Variants in CCSER2 observed in about 807,000 individuals in gnomAD.
CCSER2 encodes the protein serine-rich coiled-coil domain-containing protein 2.
In CCSER2, 46 loss-of-function variants were observed where a neutral mutation model predicts 92.3. The ratio of observed to expected loss-of-function variants is 0.50; its 90% CI spans 0.39 to 0.64. The LOEUF is 0.64. CCSER2 is among the 30% of genes least tolerant of loss of function. CCSER2 has a pLI of 0.00. For missense variants in CCSER2, 1,244 were observed against 1,238.9 expected, an observed-to-expected ratio of 1.00 and a Z score of -0.06; for synonymous variants, 433 against 431.4, an observed-to-expected ratio of 1.00 and a Z score of -0.04.
At chr10:84,461,667 T>C (rs1358298588) in intron 6 of CCSER2, among the ~76,000 whole-genome samples, 1 of 152,018 alleles carries the variant, frequency 6.6e-6, no homozygotes, top group Non-Finnish European at 1.5e-5. Context: ...TTCTGTTTTT[T>C]TTTTTTCCCC....
chr10:84,385,714 C>T (rs1252973831), intron 3 of CCSER2, among the ~76,000 whole-genome samples: 1 of 151,954 alleles, frequency 6.6e-6, no homozygotes, highest in African/African-American at 2.4e-5. Flanking sequence ...TGAGTAAGAC[C>T]TCAAAAGTAA....
intron 3 of CCSER2, among the ~76,000 whole-genome samples, chr10:84,401,816 T>C (rs1842133400): frequency 6.6e-6 from 1 of 152,230 alleles, no homozygotes; most frequent in South Asian, 2.1e-4. Flanking sequence ...CCATTTCAAA[T>C]GCAGGTTTAA....
intron 3 of CCSER2, among the ~76,000 whole-genome samples, chr10:84,374,255 C>T (rs1303183925): frequency 6.6e-6 from 1 of 152,174 alleles, no homozygotes; most frequent in Non-Finnish European, 1.5e-5. Flanking sequence ...GATGGCAGTA[C>T]TGCTGCTGTT....
At chr10:84,479,656 T>C (rs1297494536) in intron 9 of CCSER2, among the ~76,000 whole-genome samples, 1 of 152,194 alleles carries the variant, frequency 6.6e-6, no homozygotes, top group African/African-American at 2.4e-5. Context: ...TAAAAATACA[T>C]GTGTAAATAT....
At position 84,517,907 on chromosome 10, in the gene CCSER2, G is replaced by A. The variant is rs373597769; in HGVS notation, c.*3640G>A. ...ACTGGGGATGTACTTTGAAATCACC[G>A]AACAGGCTTGCAATTAAGATCAATA... is the stretch of plus-strand genomic sequence containing the variant. On this transcript the variant is annotated 3_prime_UTR_variant, in exon 10 of 10. Coordinates refer to ENST00000372088, the MANE Select transcript of CCSER2 (RefSeq NM_001284240.2). 2.6e-5 allele frequency: 4 copies of A among 152,408 alleles called. No homozygotes were observed. The highest frequency in any genetic ancestry group is 1.3e-4 in the Admixed American group (2 of 15,270). The allele number at this position is 152,408 out of a possible 1,614,324, so 9.4% of individuals were successfully genotyped here. A position where few individuals can be genotyped will look rare whatever the true frequency, so the allele number is the denominator to read the frequency against.
intron 5 of CCSER2, among the ~76,000 whole-genome samples, chr10:84,429,686 C>T (rs538248048): frequency 5.0e-5 from 7 of 138,684 alleles, no homozygotes; most frequent in East Asian, 2.3e-4. Context: ...AATTATAATG[C>T]GCCTCTCTTT....
rs1409557800 is a variant in CCSER2 at position 84,372,354 on chromosome 10, G to A, written c.1302G>A (p.Met434Ile). The change falls in exon 2 of 10, where the codon ATG becomes ATA. Residue 434 changes from methionine (M) to isoleucine (I), a missense_variant. Met to Ile is a conservative substitution (Grantham distance 10, BLOSUM62 1). Transcript: ENST00000372088. ...GAACTAGAATAACTCCAGAGGAAAT[G>A]TCTCTCAAAGAAGAGAAACATGAAA... ...SNRTRITPEEMSLKEEKHENG... is the reference protein window; with the variant it reads ...SNRTRITPEEISLKEEKHENG... 6.2e-7 allele frequency: 1 copy of A among 1,612,108 alleles called. No homozygotes were observed. The highest frequency in any genetic ancestry group is 8.5e-7 in the Non-Finnish European group (1 of 1,178,934).
In CCSER2 at chr10:84,491,352, G is replaced by A. The variant is rs1430503118; in HGVS notation, c.2325+13688G>A. Among the ~76,000 whole-genome samples, 12 of 152,324 alleles carry A rather than the reference G, an allele frequency of 7.9e-5. No individual in the cohort carries two copies. In the South Asian group the frequency reaches 2.5e-3, roughly 32 times the overall value. On this transcript the variant is annotated intron_variant, in intron 9 of 9. Transcript: ENST00000372088. ...TGCCCCCAGAGGTGGAGTCTACAGA[G>A]GCAGGCAGGCCTCCTTGAGCTGAGG...
intron 9 of CCSER2, among the ~76,000 whole-genome samples, chr10:84,498,598 A>G (rs1281090861): frequency 6.6e-6 from 1 of 152,190 alleles, no homozygotes; most frequent in East Asian, 1.9e-4. Flanking sequence ...TTTTCATTTC[A>G]GACCCTTCAT....
intron 6 of CCSER2, among the ~76,000 whole-genome samples, chr10:84,463,333 A>G (rs978609743): frequency 6.6e-6 from 1 of 152,144 alleles, no homozygotes; most frequent in Non-Finnish European, 1.5e-5. Flanking sequence ...CCAGCTTCCT[A>G]CTAGGTTCCC....
intron 1 of CCSER2, among the ~76,000 whole-genome samples, chr10:84,340,667 G>A (rs908114060): frequency 1.4e-5 from 2 of 147,586 alleles, no homozygotes; most frequent in African/African-American, 5.0e-5. Flanking sequence ...CTATTTGGAT[G>A]TTGACCTTAA....
chr10:84,350,106 T>C (rs1844778069), intron 1 of CCSER2, among the ~76,000 whole-genome samples: 1 of 152,306 alleles, frequency 6.6e-6, no homozygotes, highest in South Asian at 2.1e-4. Flanking sequence ...TGAGCCGATA[T>C]CATGCCACTG....
At chr10:84,338,983 C>T (rs1188028658) in intron 1 of CCSER2, among the ~76,000 whole-genome samples, 3 of 152,110 alleles carry the variant, frequency 2.0e-5, no homozygotes, top group Non-Finnish European at 4.4e-5. Flanking sequence ...GATTTTCTTC[C>T]CTTAGCCACT....
chr10:84,396,286 T>C (rs983790433), intron 3 of CCSER2, among the ~76,000 whole-genome samples: 1 of 150,418 alleles, frequency 6.6e-6, no homozygotes, highest in Admixed American at 6.7e-5. Context: ...TTATATACCA[T>C]AACTATACTA....
Position 84,372,373 on chromosome 10 carries a change from C to T in CCSER2, c.1321C>T (p.His441Tyr), listed in dbSNP as rs376616118. ...GGAAATGTCTCTCAAAGAAGAGAAA[C>T]ATGAAAATGGGCCACCACAGGATAT... ...PEEMSLKEEK[H>Y]ENGPPQDMFD... Residue 441 changes from histidine to tyrosine, a missense_variant, in exon 2 of 10, where the codon CAT becomes TAT. Transcript: ENST00000372088. 171 of 1,612,130 alleles carry T rather than the reference C, an allele frequency of 1.1e-4. No individual in the cohort carries two copies. Among genetic ancestry groups the T allele is most frequent in the Middle Eastern group, 3.3e-4 (2 of 6,080 alleles).
intron 6 of CCSER2, among the ~76,000 whole-genome samples, chr10:84,441,734 AT>A (rs1844554903): frequency 2.0e-4 from 21 of 106,442 alleles, no homozygotes; most frequent in South Asian, 3.4e-4. Context: ...GACTGGGAAA[AT>A]GTTTTTTTTT....
At chr10:84,480,758 T>G (rs1847409875) in intron 9 of CCSER2, among the ~76,000 whole-genome samples, 1 of 152,230 alleles carries the variant, frequency 6.6e-6, no homozygotes, top group Non-Finnish European at 1.5e-5. Context: ...TTATATATGG[T>G]CTTCCAGCCT....
intron 1 of CCSER2, among the ~76,000 whole-genome samples, chr10:84,362,796 T>C (rs1270909918): frequency 1.3e-5 from 2 of 152,064 alleles, no homozygotes; most frequent in Non-Finnish European, 2.9e-5. Flanking sequence ...GTTGTCATTT[T>C]TGCTTATTTA....
At chr10:84,481,402 A>G (rs141283139) in intron 9 of CCSER2, among the ~76,000 whole-genome samples, 3 of 151,438 alleles carry the variant, frequency 2.0e-5, no homozygotes, top group Non-Finnish European at 4.4e-5. Flanking sequence ...ATATATATTG[A>G]TTTTATATAT....
Sources: allele counts gnomAD v4.1 joint callset (sites outside exome capture counted in the v4.1 genomes callset), GRCh38; gene constraint gnomAD v4.1.1; transcripts MANE v1.5; gene names NCBI Gene and HGNC (gene_info 2026-07-23, HGNC 2026-07-21).